Variants in DLG5 observed in about 807,000 individuals in gnomAD.
The protein encoded by DLG5 is disks large homolog 5.
Under a neutral mutation model 189.8 loss-of-function variants are expected in DLG5, and 48 were observed. That is an observed-to-expected ratio of 0.25 (90% confidence interval 0.20 to 0.32). The LOEUF is 0.32. Among genes scored for constraint, DLG5 ranks in the 10% least tolerant of loss-of-function variants. The probability of loss-of-function intolerance (pLI) is 1.00; values close to 1 mark genes in which losing one functional copy is unlikely to be tolerated. For missense variants in DLG5, 2,160 were observed against 2,544.7 expected (o/e 0.85, Z 3.25); for synonymous variants, 1,016 against 1,054.1 (o/e 0.96, Z 0.70).
chr10:77,849,631 G>A (rs376338717), intron 5 of DLG5, among the ~76,000 whole-genome samples: 4 of 152,156 alleles, frequency 2.6e-5, no homozygotes, highest in East Asian at 1.9e-4. Flanking sequence ...CCCCACCCCC[G>A]CCCCTGCTGC....
At chr10:77,935,145 C>T in the DLG5 span, among the ~76,000 whole-genome samples, 1 of 151,920 alleles carries the variant, frequency 6.6e-6, no homozygotes, top group Non-Finnish European at 1.5e-5. Context: ...CAGGAGCCAC[C>T]GTGCCCAGCC....
rs1475969508 is a variant in DLG5 at position 77,854,263 on chromosome 10, C to A, written c.644G>T (p.Arg215Met). Residue 215 changes from arginine (R) to methionine (M), a missense_variant, in exon 4 of 32, where the codon AGG (arginine) becomes ATG (methionine). Around this residue, in one of 5 missense-constraint regions of DLG5, gnomAD observed 664 missense variants for 838.5 expected, o/e 0.79. Coordinates refer to ENST00000372391, the MANE Select transcript of DLG5 (RefSeq NM_004747.4). ...AGTCTCCTTGGCCACCTCCTCACAC[C>A]TCTTCAAGGCGTTGGTGTGCTGGTT... ...LQNQHTNALK[R>M]CEEVAKETDF... 6.2e-7 allele frequency: 1 copy of A among 1,614,192 alleles called. No individual in the cohort carries two copies. The highest frequency in any genetic ancestry group is 1.1e-5 in the South Asian group (1 of 91,088).
intron 27 of DLG5, among the ~76,000 whole-genome samples, chr10:77,799,826 G>T (rs1352387278): frequency 6.6e-6 from 1 of 152,086 alleles, no homozygotes; most frequent in East Asian, 1.9e-4. Flanking sequence ...GCCCAGGCTG[G>T]TCTCAAACTC....
At chr10:77,833,883 C>A (rs538341111) in intron 9 of DLG5, 31 bp downstream of exon 9, 3 of 1,601,096 alleles carry the variant, frequency 1.9e-6, no homozygotes, top group African/African-American at 2.7e-5. Flanking sequence ...CAGATGCATG[C>A]CCACTCCAGC....
intron 17 of DLG5, 22 bp from the exon 18 acceptor site, chr10:77,817,911 G>A (rs1842143304): frequency 1.3e-6 from 2 of 1,540,716 alleles, no homozygotes; most frequent in Non-Finnish European, 1.8e-6. Flanking sequence ...CAAGAGGTGA[G>A]GAGTTCGGGA....
upstream of DLG5, chr10:77,927,598 G>A (rs1435296584): frequency 6.6e-6 from 1 of 152,332 alleles, no homozygotes; most frequent in Non-Finnish European, 1.5e-5. Context: ...GAGGAAGGAT[G>A]TGTCGCCGGA....
intron 2 of DLG5, among the ~76,000 whole-genome samples, chr10:77,867,670 GT>G (rs1004322540): frequency 6.6e-6 from 1 of 152,250 alleles, no homozygotes; most frequent in Admixed American, 6.5e-5. Flanking sequence ...TATGGGTGGA[GT>G]TGTGGCCCCC....
In DLG5 at chr10:77,856,637, C is replaced by CA. The variant is rs1163715746; in HGVS notation, c.536+92dup. The CA allele has an allele frequency of 8.0e-6, 12 of 1,504,628 alleles. No homozygotes were observed. In the East Asian group the frequency reaches 2.7e-4, roughly 34 times the overall value. The allele number at this position is 1,504,628 out of a possible 1,614,324, so 93.2% of individuals were successfully genotyped here. On this transcript the variant is annotated intron_variant, in intron 3 of 31. Coordinates refer to ENST00000372391, the MANE Select transcript of DLG5 (RefSeq NM_004747.4). The stretch of plus-strand genomic sequence containing the variant: ...ACTCAGGCAGCGCAGCCTGGACCCC[C>CA]AGGAGCCAGGGGTGTTTGGGGGTGA...
At chr10:77,917,597 G>A (rs1305025500) in intron 1 of DLG5, among the ~76,000 whole-genome samples, 2 of 151,932 alleles carry the variant, frequency 1.3e-5, no homozygotes, top group Non-Finnish European at 2.9e-5. Flanking sequence ...AGACAGACAG[G>A]AAATATTCAT....
At chr10:77,810,352 T>C (rs1841700620) in intron 23 of DLG5, among the ~76,000 whole-genome samples, 1 of 152,160 alleles carries the variant, frequency 6.6e-6, no homozygotes, top group African/African-American at 2.4e-5. Flanking sequence ...TGTGACAGAC[T>C]CTGGTATAGA....
chr10:77,878,784 A>G (rs917610658), intron 1 of DLG5, among the ~76,000 whole-genome samples: 1 of 152,172 alleles, frequency 6.6e-6, no homozygotes, highest in Non-Finnish European at 1.5e-5. Flanking sequence ...TGGTTCACAA[A>G]GAAAAAACCA....
chr10:77,915,326 C>CAAA (rs397847299), intron 1 of DLG5, among the ~76,000 whole-genome samples: 2 of 96,926 alleles, frequency 2.1e-5, no homozygotes, highest in African/African-American at 3.6e-5. Context: ...GATGCCGTTT[C>CAAA]AAAAAAAAAA....
chr10:77,853,240 T>C (rs1308433936), intron 5 of DLG5, 114 bp downstream of exon 5: 2 of 1,029,080 alleles, frequency 1.9e-6, no homozygotes, highest in African/African-American at 3.3e-5. Context: ...AGCGCTGGGA[T>C]CACAGATGTG....
At position 77,843,441 on chromosome 10, in the gene DLG5, C is replaced by T. The variant is rs1184897727; in HGVS notation, c.1124+6G>A. Reference sequence around the variant, plus strand: ...TGCCCCCGGCCCCCGATGGCCCTAGCCCTACCTCCTCAGGGAGAGGGCGCA... The same window carrying T: ...TGCCCCCGGCCCCCGATGGCCCTAGTCCTACCTCCTCAGGGAGAGGGCGCA... On this transcript the variant is annotated splice_donor_region_variant and intron_variant, in intron 6 of 31. Coordinates refer to ENST00000372391, the MANE Select transcript of DLG5 (RefSeq NM_004747.4). The T allele has an allele frequency of 6.2e-7, 1 of 1,613,070 alleles. No individual in the cohort carries two copies. Among genetic ancestry groups the T allele is most frequent in the African/African-American group, 1.3e-5 (1 of 75,054 alleles).
chr10:77,927,303 A>C (rs1357929360), upstream of DLG5: 1 of 152,924 alleles, frequency 6.5e-6, no homozygotes, highest in Non-Finnish European at 1.5e-5. Flanking sequence ...GCCAGCCCAC[A>C]AGCTGCTGGA....
At chr10:77,840,474 T>C (rs775119112) in intron 7 of DLG5, among the ~76,000 whole-genome samples, 4 of 152,114 alleles carry the variant, frequency 2.6e-5, no homozygotes, top group African/African-American at 7.2e-5. Context: ...TCCCAGTACT[T>C]TGGGAGGCCG....
rs777180211 is a variant in DLG5, at chr10:77,853,519, G to A, written c.699C>T (p.Leu233=). ...TDFYHTLHSR[L]LSDQTRLKDD... ...CCTTCAGCCGAGTCTGGTCACTCAG[G>A]AGCCGGCTGTGGAGTGTGCTGAAAC... Residue 233 remains leucine (L), a synonymous_variant, in exon 5 of 32, where the codon CTC becomes CTT. Transcript: ENST00000372391. 1 of 1,606,720 alleles carries A rather than the reference G, an allele frequency of 6.2e-7. No homozygotes were observed. The highest frequency in any genetic ancestry group is 8.5e-7 in the Non-Finnish European group (1 of 1,176,994).
At chr10:77,808,594 A>G (rs1488974071) in intron 24 of DLG5, among the ~76,000 whole-genome samples, 1 of 151,870 alleles carries the variant, frequency 6.6e-6, no homozygotes, top group African/African-American at 2.4e-5. Flanking sequence ...CTCACAAACC[A>G]TCTCCCCCAT....
At chr10:77,920,493 C>T (rs1051468598) in intron 1 of DLG5, among the ~76,000 whole-genome samples, 2 of 152,212 alleles carry the variant, frequency 1.3e-5, no homozygotes, top group South Asian at 2.1e-4. Context: ...TTCCTTTAGA[C>T]AACTGCTCTG....
Sources: gnomAD v4.1 joint callset for allele counts (sites outside exome capture counted in the v4.1 genomes callset) on GRCh38, gnomAD v4.1.1 for gene constraint, gnomAD v4.1.1 regional missense constraint, MANE v1.5 for transcripts, NCBI Gene and HGNC (gene_info 2026-07-23, HGNC 2026-07-21) for gene names.